Variants in MYO16 observed in about 807,000 individuals in gnomAD.
MYO16 encodes unconventional myosin-XVI.
In MYO16, 94 loss-of-function variants were observed where a neutral mutation model predicts 205.3. The ratio of observed to expected loss-of-function variants is 0.46; its 90% CI spans 0.39 to 0.54. The LOEUF (loss-of-function observed/expected upper bound fraction) is 0.54, where lower values mean the gene tolerates loss of function less well. Ranked by LOEUF, MYO16 falls within the 20% of genes least tolerant of loss-of-function variation. The pLI, the probability that MYO16 is intolerant of heterozygous loss-of-function variation, is 0.00. For synonymous variants in MYO16, 988 were observed against 954.0 expected (o/e 1.04, Z -0.66); for missense variants, 2,315 against 2,387.5 (o/e 0.97, Z 0.63).
At chr13:108,656,770 A>G (rs1432411658) in intron 1 of MYO16, among the ~76,000 whole-genome samples, 2 of 152,232 alleles carry the variant, frequency 1.3e-5, no homozygotes, top group East Asian at 1.9e-4. Context: ...TCATGCCCAT[A>G]ATAGATTCAT....
chr13:108,726,815 T>G (rs1594243889), intron 3 of MYO16, among the ~76,000 whole-genome samples: 1 of 152,238 alleles, frequency 6.6e-6, no homozygotes, highest in Middle Eastern at 3.4e-3. Flanking sequence ...TGCTGGATGG[T>G]TTGATTTAGT....
intron 1 of MYO16, among the ~76,000 whole-genome samples, chr13:108,605,367 C>T (rs1878914468): frequency 6.6e-6 from 1 of 152,040 alleles, no homozygotes; most frequent in African/African-American, 2.4e-5. Context: ...AAGTATCCTG[C>T]AATGTTGCAG....
At chr13:108,984,840 C>G (rs1884573679) in intron 20 of MYO16, among the ~76,000 whole-genome samples, 2 of 152,120 alleles carry the variant, frequency 1.3e-5, no homozygotes, top group Admixed American at 1.3e-4. Context: ...TGCGTGGATC[C>G]TTTTGTGGCA....
At chr13:108,726,679 C>T (rs781492329) in intron 3 of MYO16, among the ~76,000 whole-genome samples, 5 of 151,990 alleles carry the variant, frequency 3.3e-5, no homozygotes, top group African/African-American at 4.8e-5. Flanking sequence ...ATGGTAAAGG[C>T]AGAACATCAA....
At chr13:109,010,707 G>A (rs918844583) in intron 22 of MYO16, among the ~76,000 whole-genome samples, 5 of 152,078 alleles carry the variant, frequency 3.3e-5, no homozygotes, top group Admixed American at 2.6e-4. Flanking sequence ...GTGTAAGTTT[G>A]TATGTGAACC....
chr13:108,957,061 A>C (rs1216229978), intron 16 of MYO16, among the ~76,000 whole-genome samples: 1 of 151,766 alleles, frequency 6.6e-6, no homozygotes, highest in African/African-American at 2.4e-5. Flanking sequence ...TACAAACCAT[A>C]TGATAGAACC....
chr13:108,677,340 T>TATATATATATATGC (rs1210955280), intron 2 of MYO16, among the ~76,000 whole-genome samples: 2 of 95,654 alleles, frequency 2.1e-5, no homozygotes, highest in Non-Finnish European at 2.3e-5. Flanking sequence ...TGTGTGTATA[T>TATATATATATATGC]ATATATATAT....
intron 25 of MYO16, among the ~76,000 whole-genome samples, chr13:109,053,661 C>T (rs1887322279): frequency 1.3e-5 from 2 of 152,004 alleles, no homozygotes; most frequent in Non-Finnish European, 2.9e-5. Context: ...AGTTCCTCCA[C>T]CCAGAAAGGG....
chr13:109,127,543 C>T lies in MYO16; in HGVS notation c.4044C>T (p.Ala1348=), dbSNP rs926914213. ...SACLSAAREA[A]NEALARPRPH... ...GCCTCTCCGCGGCCAGGGAAGCGGC[C>T]AACGAAGGTCAGCCCTGGGGAGGGA... The change falls in exon 31 of 35, where the codon GCC becomes GCT. Residue 1348 remains alanine (A), a synonymous_variant. Coordinates refer to ENST00000457511, the MANE Select transcript of MYO16 (RefSeq NM_001198950.3). This position sits in a 1 kb window ranked among gnomAD's most constrained non-coding sequence, Gnocchi z 4.2. 15 of 1,609,660 alleles carry T rather than the reference C, an allele frequency of 9.3e-6. No homozygotes were observed. The highest frequency in any genetic ancestry group is 1.3e-5 in the Non-Finnish European group (15 of 1,179,762).
At chr13:108,928,076 C>T (rs1292762944) in intron 16 of MYO16, among the ~76,000 whole-genome samples, 1 of 152,236 alleles carries the variant, frequency 6.6e-6, no homozygotes, top group East Asian at 1.9e-4. Context: ...ACAGTCACAT[C>T]TTCCAACAGA....
At chr13:108,809,241 C>A (rs1162184177) in intron 7 of MYO16, among the ~76,000 whole-genome samples, 1 of 152,194 alleles carries the variant, frequency 6.6e-6, no homozygotes, top group Non-Finnish European at 1.5e-5. Flanking sequence ...TCTTCAAAAC[C>A]AGCTACAAAA....
At chr13:109,165,636 T>A (rs1878624342) in intron 33 of MYO16, among the ~76,000 whole-genome samples, 1 of 152,124 alleles carries the variant, frequency 6.6e-6, no homozygotes, top group African/African-American at 2.4e-5. Flanking sequence ...GTTTGTTTAG[T>A]CTAATTAGAG....
At chr13:108,564,058 T>C in the MYO16 span, among the ~76,000 whole-genome samples, 1 of 152,214 alleles carries the variant, frequency 6.6e-6, no homozygotes, top group African/African-American at 2.4e-5. Context: ...AGATGATATC[T>C]CAATGTAGTT....
chr13:108,868,707 G>A (rs542317027), intron 12 of MYO16, among the ~76,000 whole-genome samples: 2 of 152,022 alleles, frequency 1.3e-5, no homozygotes, highest in African/African-American at 4.8e-5. Context: ...TGGATCATGA[G>A]GTCAGGAGTT....
intron 20 of MYO16, among the ~76,000 whole-genome samples, chr13:108,971,268 T>A (rs113732687): frequency 0.029 from 4,468 of 151,670 alleles, 194 homozygotes; most frequent in African/African-American, 0.1. Context: ...AACTTTGGAG[T>A]GTTCTCCAAA....
chr13:108,763,910 A>G (rs1229057935), intron 4 of MYO16, among the ~76,000 whole-genome samples: 3 of 152,094 alleles, frequency 2.0e-5, no homozygotes, highest in East Asian at 3.9e-4. Context: ...AAAATTTGAC[A>G]TAGTCCAAAG....
intron 21 of MYO16, among the ~76,000 whole-genome samples, chr13:109,003,818 G>A (rs1463582974): frequency 6.6e-6 from 1 of 152,208 alleles, no homozygotes; most frequent in Admixed American, 6.5e-5. Context: ...GTCAAGGCCA[G>A]GAGGATGCAA....
intron 10 of MYO16, among the ~76,000 whole-genome samples, chr13:108,853,361 G>A (rs1386775818): frequency 6.6e-6 from 1 of 152,184 alleles, no homozygotes; most frequent in Non-Finnish European, 1.5e-5. Flanking sequence ...AACGATTCAA[G>A]TAGATAATTC....
chr13:108,927,410 G>C (rs878874562), intron 16 of MYO16, among the ~76,000 whole-genome samples: 1 of 151,994 alleles, frequency 6.6e-6, no homozygotes, highest in African/African-American at 2.4e-5. Flanking sequence ...AATGGGCCTG[G>C]GGCATGAGCC....
Sources: gnomAD v4.1 joint callset for allele counts (sites outside exome capture counted in the v4.1 genomes callset) on GRCh38, gnomAD v4.1.1 for gene constraint, Gnocchi (gnomAD v3.1) non-coding constraint, MANE v1.5 for transcripts, NCBI Gene and HGNC (gene_info 2026-07-23, HGNC 2026-07-21) for gene names.